Variants in EPHA6 observed in about 807,000 individuals in gnomAD.
EPHA6 encodes the protein ephrin type-A receptor 6.
EPHA6 carries 50 observed loss-of-function variants against 112.0 expected under a neutral mutation model. The ratio of observed to expected loss-of-function variants is 0.45; its 90% confidence interval spans 0.36 to 0.56. The LOEUF (loss-of-function observed/expected upper bound fraction) is 0.56, where lower values mean the gene tolerates loss of function less well. Among genes scored for constraint, EPHA6 ranks in the 20% least tolerant of loss-of-function variants. EPHA6 has a pLI of 0.00. For synonymous variants in EPHA6, 529 were observed against 490.7 expected (o/e 1.08, Z -1.03); for missense variants, 1,280 against 1,417.4 (o/e 0.90, Z 1.56).
At chr3:97,400,339 T>C (rs1402497656) in intron 5 of EPHA6, among the ~76,000 whole-genome samples, 4 of 151,854 alleles carry the variant, frequency 2.6e-5, no homozygotes, top group Admixed American at 6.6e-5. Flanking sequence ...AGAACCATGC[T>C]GCTTTGGTTA....
chr3:97,186,375 A>G (rs1011395732), intron 3 of EPHA6, among the ~76,000 whole-genome samples: 2 of 152,068 alleles, frequency 1.3e-5, no homozygotes, highest in African/African-American at 4.8e-5. Context: ...TCTCAAAAAC[A>G]TAGTAGTTTT....
intron 2 of EPHA6, among the ~76,000 whole-genome samples, chr3:96,929,212 G>C (rs369956177): frequency 6.6e-6 from 1 of 152,082 alleles, no homozygotes; most frequent in Non-Finnish European, 1.5e-5. Flanking sequence ...TCTTTTAATC[G>C]GGACATTTAG....
chr3:97,662,096 G>A (rs1284383997), intron 14 of EPHA6, among the ~76,000 whole-genome samples: 2 of 151,996 alleles, frequency 1.3e-5, no homozygotes, highest in Non-Finnish European at 2.9e-5. Flanking sequence ...AAGAGATTGA[G>A]GTCTTTTTAG....
chr3:97,461,921 C>T (rs184646163), intron 7 of EPHA6, among the ~76,000 whole-genome samples: 2 of 152,246 alleles, frequency 1.3e-5, no homozygotes, highest in Non-Finnish European at 2.9e-5. Context: ...CCCATTCCAG[C>T]AATATCACCT....
chr3:97,572,517 A>G (rs554228419), intron 11 of EPHA6, among the ~76,000 whole-genome samples: 63 of 152,068 alleles, frequency 4.1e-4, no homozygotes, highest in South Asian at 8.3e-4. Context: ...ATATTTTAAC[A>G]TGTTTATTGG....
At chr3:97,210,219 G>A (rs1422736318) in intron 3 of EPHA6, among the ~76,000 whole-genome samples, 3 of 152,078 alleles carry the variant, frequency 2.0e-5, no homozygotes, top group Non-Finnish European at 4.4e-5. Flanking sequence ...AAGAAAAAAT[G>A]TTTAATTGAC....
chr3:97,695,207 T>A (rs2032953293), intron 14 of EPHA6, among the ~76,000 whole-genome samples: 1 of 152,214 alleles, frequency 6.6e-6, no homozygotes, highest in Admixed American at 6.5e-5. Flanking sequence ...GACACCATCA[T>A]GGAAAACCAC....
chr3:97,191,357 C>T (rs900920734), intron 3 of EPHA6, among the ~76,000 whole-genome samples: 5 of 151,794 alleles, frequency 3.3e-5, no homozygotes, highest in African/African-American at 1.2e-4. Flanking sequence ...TTTAAATATA[C>T]AATAAATTAT....
At chr3:97,077,970 C>G (rs1282375082) in intron 3 of EPHA6, among the ~76,000 whole-genome samples, 2 of 152,142 alleles carry the variant, frequency 1.3e-5, no homozygotes, top group East Asian at 3.8e-4. Context: ...AATCGCCACA[C>G]TGTCTTCCAC....
chr3:96,880,586 C>A (rs1035138493), intron 2 of EPHA6, among the ~76,000 whole-genome samples: 1 of 152,076 alleles, frequency 6.6e-6, no homozygotes, highest in Non-Finnish European at 1.5e-5. Flanking sequence ...GTGAACAACT[C>A]AGTATCATTT....
At chr3:97,064,116 A>C (rs1033344430) in intron 3 of EPHA6, among the ~76,000 whole-genome samples, 1 of 152,130 alleles carries the variant, frequency 6.6e-6, no homozygotes, top group Admixed American at 6.6e-5. Flanking sequence ...TACTTGCTAA[A>C]TTTTTGCATA....
chr3:96,877,529 T>C (rs2037039393), intron 2 of EPHA6, among the ~76,000 whole-genome samples: 1 of 152,004 alleles, frequency 6.6e-6, no homozygotes, highest in Non-Finnish European at 1.5e-5. Context: ...CACCTTGTAA[T>C]TAAGATGAGA....
intron 3 of EPHA6, among the ~76,000 whole-genome samples, chr3:96,999,767 GATGA>G (rs2043567766): frequency 6.6e-6 from 1 of 151,770 alleles, no homozygotes; most frequent in Admixed American, 6.6e-5. Flanking sequence ...GAACCCCTAA[GATGA>G]ATAAGCATAA....
chr3:97,604,487 A>C (rs559116822), intron 12 of EPHA6, among the ~76,000 whole-genome samples: 1 of 151,924 alleles, frequency 6.6e-6, no homozygotes. Flanking sequence ...GCAATAAAAA[A>C]TAAAAATTTT....
At position 96,995,472 on chromosome 3, in the gene EPHA6, A is replaced by G. The variant is rs746874840; in HGVS notation, c.1114+7479A>G. Among the ~76,000 whole-genome samples the G allele has an allele frequency of 7.9e-4, 120 of 152,246 alleles. 2 individuals are homozygous for G. In the Middle Eastern group the frequency reaches 0.014, roughly 17 times the overall value. On this transcript the variant is annotated intron_variant, in intron 3 of 17. Coordinates refer to ENST00000389672, the MANE Select transcript of EPHA6 (RefSeq NM_001080448.3). ...ATGAAGCAATTCCAGACTTTCATCT[A>G]TCTTGAAAAGAATGTGAAATCAAGA...
At chr3:96,895,499 A>C (rs1367503349) in intron 2 of EPHA6, among the ~76,000 whole-genome samples, 2 of 152,192 alleles carry the variant, frequency 1.3e-5, no homozygotes, top group African/African-American at 4.8e-5. Context: ...AAGTGTACAG[A>C]GTTTATAAAG....
intron 5 of EPHA6, among the ~76,000 whole-genome samples, chr3:97,303,868 C>T (rs1292875765): frequency 6.6e-6 from 1 of 151,976 alleles, no homozygotes; most frequent in Non-Finnish European, 1.5e-5. Context: ...TTCTTCCTAT[C>T]CATGAGCATG....
At chr3:97,439,319 G>A (rs556601742) in intron 6 of EPHA6, among the ~76,000 whole-genome samples, 38 of 152,214 alleles carry the variant, frequency 2.5e-4, no homozygotes, top group African/African-American at 8.7e-4. Context: ...CAGTCAAAAA[G>A]TAGTTGTGTA....
rs536674353 is a variant in EPHA6 at position 96,950,868 on chromosome 3, T to A, written c.451-36462T>A. 7.2e-5 allele frequency among the ~76,000 whole-genome samples: 11 copies of A among 152,224 alleles called. No homozygotes were observed. In the South Asian group the frequency reaches 2.1e-3, roughly 29 times the overall value. On this transcript the variant is annotated intron_variant, in intron 2 of 17. Coordinates refer to ENST00000389672, the MANE Select transcript of EPHA6 (RefSeq NM_001080448.3). Reference sequence around the variant, plus strand: ...ATCTTCATTATTGAACATTTAAATGTTTTTTATTGGAATTTGTTATCTAAG... The same window carrying A: ...ATCTTCATTATTGAACATTTAAATGATTTTTATTGGAATTTGTTATCTAAG...
Sources: gnomAD v4.1 joint callset for allele counts (sites outside exome capture counted in the v4.1 genomes callset) on GRCh38, gnomAD v4.1.1 for gene constraint, MANE v1.5 for transcripts, NCBI Gene and HGNC (gene_info 2026-07-23, HGNC 2026-07-21) for gene names.